The following AGL variants were observed in gnomAD, a reference collection of about 807,000 sequenced individuals.
AGL encodes the protein glycogen debranching enzyme.
In AGL, 128 loss-of-function variants were observed where a neutral mutation model predicts 199.3. The ratio of observed to expected loss-of-function variants is 0.64; its 90% CI spans 0.56 to 0.74. AGL has a LOEUF of 0.74. AGL is among the 30% of genes least tolerant of loss of function. AGL has a pLI of 0.00. For missense variants in AGL, 1,809 were observed against 1,820.8 expected, an observed-to-expected ratio of 0.99 and a Z score of 0.12; for synonymous variants, 584 against 594.7, an observed-to-expected ratio of 0.98 and a Z score of 0.26.
rs1260399796 is a variant in AGL at position 99,922,514 on chromosome 1, T to C, written c.*863T>C. 3 of 151,822 alleles carry C rather than the reference T, an allele frequency of 2.0e-5. No homozygotes were observed. Among genetic ancestry groups the C allele is most frequent in the African/African-American group, 7.2e-5 (3 of 41,446 alleles). 9.4% of individuals were successfully genotyped at this position (151,822 alleles called of 1,614,324 possible). ...ACTGGTTTTCTATTAACTCAAAACC[T>C]ACATTGACAAGTTTAACATTGAGAA... On this transcript the variant is annotated 3_prime_UTR_variant, in exon 34 of 34. Transcript: ENST00000361915.
chr1:99,883,445 A>G (rs1219203106), intron 17 of AGL, among the ~76,000 whole-genome samples: 1 of 152,160 alleles, frequency 6.6e-6, no homozygotes, highest in East Asian at 1.9e-4. Context: ...ACCTTAATAG[A>G]ACAGATATAT....
Position 99,856,710 on chromosome 1 carries a change from A to G in AGL, c.83-4793A>G, listed in dbSNP as rs1649497507. Among the ~76,000 whole-genome samples, 4 of 152,128 alleles carry G rather than the reference A, an allele frequency of 2.6e-5. No homozygotes were observed. The South Asian group carries it at 6.2e-4, about 24-fold the overall frequency. On this transcript the variant is annotated intron_variant, in intron 2 of 33. Transcript: ENST00000361915. ...GCACATCTTGCACCACCCTTAATCC[A>G]TTTAACCCTGAGTGAACACAGCACA...
chr1:99,877,872 G>C (rs761101670), intron 12 of AGL, 44 bp downstream of exon 12: 1 of 1,585,506 alleles, frequency 6.3e-7, no homozygotes, highest in Non-Finnish European at 8.7e-7. Context: ...GAAATTCAGT[G>C]TTCCTTCCTA....
intron 2 of AGL, among the ~76,000 whole-genome samples, chr1:99,856,254 G>T (rs1402793079): frequency 6.6e-6 from 1 of 151,460 alleles, no homozygotes; most frequent in Non-Finnish European, 1.5e-5. Context: ...TGGGGTATGC[G>T]CTGATATATC....
intron 2 of AGL, among the ~76,000 whole-genome samples, chr1:99,859,287 GC>G (rs1649826260): frequency 6.6e-6 from 1 of 150,812 alleles, no homozygotes; most frequent in African/African-American, 2.4e-5. Flanking sequence ...CATAATTGTA[GC>G]TCTAATTTTA....
intron 33 of AGL, among the ~76,000 whole-genome samples, chr1:99,919,704 T>C (rs1655384359): frequency 6.6e-6 from 1 of 152,200 alleles, no homozygotes; most frequent in Admixed American, 6.5e-5. Context: ...TTTCTCCCTT[T>C]CTATATTTGT....
At chr1:99,899,651 C>G (rs1340240118) in intron 25 of AGL, among the ~76,000 whole-genome samples, 1 of 146,694 alleles carries the variant, frequency 6.8e-6, no homozygotes, top group Non-Finnish European at 1.5e-5. Flanking sequence ...GACTGAGTCT[C>G]GCTCTGCCAT....
chr1:99,856,922 G>A (rs186911941), intron 2 of AGL, among the ~76,000 whole-genome samples: 2,305 of 152,264 alleles, frequency 0.015, 34 homozygotes, highest in Middle Eastern at 0.089. Context: ...AACCGCCGTC[G>A]TCATCATGGC....
At chr1:99,889,590 AATTT>A (rs1292380751) in intron 21 of AGL, among the ~76,000 whole-genome samples, 1 of 151,942 alleles carries the variant, frequency 6.6e-6, no homozygotes, top group Non-Finnish European at 1.5e-5. Flanking sequence ...AAAATAAATA[AATTT>A]ATTTATTTAA....
Position 99,921,884 on chromosome 1 carries a change from A to C in AGL, c.*233A>C. ...CAATGAAATGTGTTTGAGTTCAGTA[A>C]GAATTATTCAAATGCCTAGAAATCC... On this transcript the variant is annotated 3_prime_UTR_variant, in exon 34 of 34. Coordinates refer to ENST00000361915, the MANE Select transcript of AGL (RefSeq NM_000642.3). The C allele has an allele frequency of 3.1e-6, 1 of 319,922 alleles. No individual in the cohort carries two copies. Among genetic ancestry groups the C allele is most frequent in the South Asian group, 1.1e-4 (1 of 9,148 alleles). The allele number at this position is 319,922 out of a possible 1,614,324, so 19.8% of individuals were successfully genotyped here.
At position 99,913,689 on chromosome 1, in the gene AGL, C is replaced by G; in HGVS notation, c.4112C>G (p.Pro1371Arg). 1 of 1,614,070 alleles carries G rather than the reference C, an allele frequency of 6.2e-7. No individual in the cohort carries two copies. Reference sequence around the variant, plus strand: ...AAAGATAGTTATGGAGCTTCAAGTCCTTGGTGTGACTATCAGCTCAGGCCT... The same window carrying G: ...AAAGATAGTTATGGAGCTTCAAGTCGTTGGTGTGACTATCAGCTCAGGCCT... ...IYKDSYGASSPWCDYQLRPNF... is the reference protein window; with the variant it reads ...IYKDSYGASSRWCDYQLRPNF... Residue 1371 changes from proline to arginine, a missense_variant, in exon 30 of 34, where the codon CCT (proline) becomes CGT (arginine). By Grantham distance (103) the Pro-to-Arg change is moderately radical. Transcript: ENST00000361915.
intron 17 of AGL, among the ~76,000 whole-genome samples, chr1:99,883,400 A>G (rs1232157995): frequency 1.3e-5 from 2 of 152,150 alleles, no homozygotes; most frequent in African/African-American, 4.8e-5. Context: ...AATATTTATT[A>G]CAACATTATT....
chr1:99,876,854 T>C (rs927994779), intron 11 of AGL, among the ~76,000 whole-genome samples: 54 of 152,380 alleles, frequency 3.5e-4, no homozygotes, highest in African/African-American at 1.3e-3. Context: ...CTGTTTTCTA[T>C]ATTGTGGGTC....
chr1:99,854,545 G>A (rs573456016), intron 2 of AGL, among the ~76,000 whole-genome samples: 3 of 148,898 alleles, frequency 2.0e-5, no homozygotes, highest in South Asian at 2.1e-4. Flanking sequence ...GGCGGATCAC[G>A]AGGTCAGGAG....
Position 99,880,680 on chromosome 1 carries a change from G to C in AGL, c.1784G>C (p.Arg595Pro). ...NSHEEGRLVYRYGGEPVGSFV... is the reference protein window; with the variant it reads ...NSHEEGRLVYPYGGEPVGSFV... ...CATGAAGAGGGCAGATTAGTTTACCGATATGGAGGAGAACCTGTTGGATCC... is the reference window on the plus strand; with the variant it reads ...CATGAAGAGGGCAGATTAGTTTACCCATATGGAGGAGAACCTGTTGGATCC... Residue 595 changes from arginine to proline, a missense_variant, in exon 14 of 34, where the codon CGA (arginine) becomes CCA (proline). Coordinates refer to ENST00000361915, the MANE Select transcript of AGL (RefSeq NM_000642.3). 6.2e-7 allele frequency: 1 copy of C among 1,614,044 alleles called. No individual in the cohort carries two copies. Among genetic ancestry groups the C allele is most frequent in the African/African-American group, 1.3e-5 (1 of 75,046 alleles).
chr1:99,854,416 A>G (rs1184021642), intron 2 of AGL, among the ~76,000 whole-genome samples: 1 of 152,214 alleles, frequency 6.6e-6, no homozygotes, highest in Admixed American at 6.5e-5. Flanking sequence ...AAATGTTATA[A>G]ATGAGAATGT....
chr1:99,853,043 C>A (rs150359319), intron 2 of AGL, among the ~76,000 whole-genome samples: 1,800 of 152,290 alleles, frequency 0.012, 18 homozygotes, highest in Middle Eastern at 0.034. Flanking sequence ...GATTTCTTCT[C>A]TTTTCCTGCA....
At position 99,875,251 on chromosome 1, in the gene AGL, G is replaced by T. The variant is rs1570433686; in HGVS notation, c.1180G>T (p.Glu394Ter). The change falls in exon 9 of 34, where the codon GAA becomes TAA. Residue 394 changes from glutamate to a stop codon, truncating the protein, a stop_gained. Coordinates refer to ENST00000361915, the MANE Select transcript of AGL (RefSeq NM_000642.3). LOFTEE classifies it high-confidence loss of function. The part of the protein sequence containing the change: ...EKHRLINYHQ[E>*]QAVNCLLGNV... ...GCATCGACTCATTAACTATCATCAGGAACAGGTTTTACTTATTTTTGAACT... is the reference window on the plus strand; with the variant it reads ...GCATCGACTCATTAACTATCATCAGTAACAGGTTTTACTTATTTTTGAACT... The T allele has an allele frequency of 6.2e-7, 1 of 1,613,836 alleles. No individual in the cohort carries two copies. Among genetic ancestry groups the T allele is most frequent in the Non-Finnish European group, 8.5e-7 (1 of 1,179,784 alleles).
chr1:99,903,405 G>A (rs1420215366), intron 27 of AGL, among the ~76,000 whole-genome samples: 1 of 151,988 alleles, frequency 6.6e-6, no homozygotes. Flanking sequence ...TTGTCCTTGC[G>A]ATAGTTTGCT....
Sources: gnomAD v4.1 joint callset for allele counts (sites outside exome capture counted in the v4.1 genomes callset) on GRCh38, gnomAD v4.1.1 for gene constraint, MANE v1.5 for transcripts, NCBI Gene and HGNC (gene_info 2026-07-23, HGNC 2026-07-21) for gene names.